HERC1: variants seen among roughly 807,000 people sequenced by gnomAD.
HERC1 encodes the protein HECT and RLD domain containing E3 ubiquitin protein ligase family member 1, also known as probable E3 ubiquitin-protein ligase HERC1.
In HERC1, 160 loss-of-function variants were observed where a neutral mutation model predicts 554.3. That is an observed-to-expected ratio of 0.29 (90% CI 0.25 to 0.33). The LOEUF (loss-of-function observed/expected upper bound fraction) is 0.33, where lower values mean the gene tolerates loss of function less well. Ranked by LOEUF, HERC1 falls within the 10% of genes least tolerant of loss-of-function variation. The pLI is 1.00. For synonymous variants in HERC1, 2,175 were observed against 2,131.7 expected, an observed-to-expected ratio of 1.02 and a Z score of -0.56; for missense variants, 4,919 against 5,918.5, an observed-to-expected ratio of 0.83 and a Z score of 5.54.
intron 70 of HERC1, among the ~76,000 whole-genome samples, chr15:63,626,444 C>T (rs1425512178): frequency 6.6e-6 from 1 of 152,144 alleles, no homozygotes; most frequent in African/African-American, 2.4e-5. Context: ...AACAATAGAA[C>T]TTAGGCAGTT....
chr15:63,652,620 T>C (rs754343884), intron 51 of HERC1, 79 bp from the exon 52 acceptor site: 25 of 1,180,852 alleles, frequency 2.1e-5, no homozygotes, highest in Non-Finnish European at 2.4e-5. Context: ...ATCCAATTTT[T>C]AAAAATCTAC....
intron 25 of HERC1, among the ~76,000 whole-genome samples, chr15:63,700,135 AG>A (rs2072637786): frequency 6.6e-6 from 1 of 152,116 alleles, no homozygotes; most frequent in Non-Finnish European, 1.5e-5. Flanking sequence ...TGTATTCCTA[AG>A]ATGAATAATG....
intron 44 of HERC1, among the ~76,000 whole-genome samples, chr15:63,662,257 T>A (rs1289105664): frequency 1.3e-5 from 2 of 152,110 alleles, no homozygotes; most frequent in Non-Finnish European, 2.9e-5. Flanking sequence ...TAACTGAGTA[T>A]CCTACTGAGA....
rs2069881796 is a variant in HERC1, at chr15:63,654,315, T to C, written c.10094A>G (p.Glu3365Gly). The change falls in exon 51 of 78, where the codon GAG becomes GGG. Residue 3365 changes from glutamate (E) to glycine (G), a missense_variant. By Grantham distance (98) the Glu-to-Gly change is moderately conservative. Around this residue, in one of 11 missense-constraint regions of HERC1, gnomAD observed 1,963 missense variants for 2,228.6 expected, o/e 0.88. Coordinates refer to ENST00000443617, the MANE Select transcript of HERC1 (RefSeq NM_003922.4). ...KSEVEKKGPLELANALAACCL... is the reference protein window; with the variant it reads ...KSEVEKKGPLGLANALAACCL... ...GCAGGCTGCCAGGGCATTAGCCAAC[T>C]CCAGAGGGCCTACAGCAGAAGGATC... 2.5e-6 allele frequency: 4 copies of C among 1,612,542 alleles called. No homozygotes were observed. The Admixed American group carries it at 6.7e-5, about 27-fold the overall frequency.
chr15:63,700,227 T>C (rs1186062009), intron 25 of HERC1, among the ~76,000 whole-genome samples: 2 of 152,170 alleles, frequency 1.3e-5, no homozygotes, highest in African/African-American at 4.8e-5. Context: ...CAATATAATA[T>C]TGCTAATATT....
Position 63,684,770 on chromosome 15 carries a change from A to T in HERC1, c.6225+1589T>A, listed in dbSNP as rs1024678279. ...CACCTGTAATCCCAGCACTTTGGGA[A>T]GCCAAGGTGGGTGGATCACCTGAGG... is the stretch of plus-strand genomic sequence containing the variant. On this transcript the variant is annotated intron_variant, in intron 34 of 77. Coordinates refer to ENST00000443617, the MANE Select transcript of HERC1 (RefSeq NM_003922.4). 2.0e-5 allele frequency among the ~76,000 whole-genome samples: 3 copies of T among 152,186 alleles called. No homozygotes were observed. The East Asian group carries it at 5.8e-4, about 29-fold the overall frequency.
intron 42 of HERC1, among the ~76,000 whole-genome samples, chr15:63,665,393 C>T (rs529789259): frequency 1.3e-5 from 2 of 152,212 alleles, no homozygotes; most frequent in East Asian, 3.9e-4. Context: ...ATGAGCCGGG[C>T]ATGGTGGCAC....
chr15:63,783,542 C>T (rs1049800158), intron 1 of HERC1, among the ~76,000 whole-genome samples: 6 of 152,174 alleles, frequency 3.9e-5, no homozygotes, highest in African/African-American at 1.4e-4. Flanking sequence ...AACTGTGTGA[C>T]TTGCTTTACT....
At chr15:63,696,057 T>G in intron 27 of HERC1, 67 bp downstream of exon 27, 2 of 1,186,614 alleles carry the variant, frequency 1.7e-6, no homozygotes, top group Non-Finnish European at 2.4e-6. Context: ...CCAAAAAGTT[T>G]CACATTATTA....
chr15:63,716,152 C>G, intron 22 of HERC1, 150 bp downstream of exon 22: 1 of 673,408 alleles, frequency 1.5e-6, no homozygotes, highest in Non-Finnish European at 2.5e-6. Context: ...GTAGGAGCCC[C>G]TGTCAGCTAA....
At chr15:63,735,597 G>A (rs2141126005) in intron 12 of HERC1, among the ~76,000 whole-genome samples, 1 of 151,950 alleles carries the variant, frequency 6.6e-6, no homozygotes, top group Non-Finnish European at 1.5e-5. Flanking sequence ...AAAGGTCCAG[G>A]TAGTGGGAAC....
chr15:63,625,637 T>C (rs886441774), intron 71 of HERC1, among the ~76,000 whole-genome samples: 3 of 144,640 alleles, frequency 2.1e-5, no homozygotes, highest in Non-Finnish European at 3.0e-5. Context: ...GAGGTTGCAG[T>C]GAGCTGAGAT....
chr15:63,672,457 G>A, intron 39 of HERC1, 39 bp downstream of exon 39: 1 of 1,429,282 alleles, frequency 7.0e-7, no homozygotes, highest in Middle Eastern at 2.2e-4. Context: ...CAGAAACACA[G>A]GCATCAGTAT....
At chr15:63,733,586 C>T (rs1291658910) in intron 13 of HERC1, among the ~76,000 whole-genome samples, 2 of 152,216 alleles carry the variant, frequency 1.3e-5, no homozygotes, top group African/African-American at 4.8e-5. Flanking sequence ...GGCGCAGTGG[C>T]TCACACCTGT....
At chr15:63,668,168 G>A (rs2070734613) in intron 40 of HERC1, among the ~76,000 whole-genome samples, 1 of 151,858 alleles carries the variant, frequency 6.6e-6, no homozygotes, top group Non-Finnish European at 1.5e-5. Flanking sequence ...GAAAGAAGGT[G>A]GATTTAAAAC....
At position 63,755,321 on chromosome 15, in the gene HERC1, A is replaced by G. The variant is rs376686768; in HGVS notation, c.1538T>C (p.Val513Ala). The G allele has an allele frequency of 6.2e-7, 1 of 1,611,880 alleles. No individual in the cohort carries two copies. The highest frequency in any genetic ancestry group is 8.5e-7 in the Non-Finnish European group (1 of 1,178,126). Reference sequence around the variant, plus strand: ...TCTGTATCCAGCTGACACACAAACAACTACCTGCATTGCACACAAGTAAAT... The same window carrying G: ...TCTGTATCCAGCTGACACACAAACAGCTACCTGCATTGCACACAAGTAAAT... Reference protein sequence around the residue: ...LIQGPLQGKVVVCVSAGYRHS... With the variant: ...LIQGPLQGKVAVCVSAGYRHS... Residue 513 changes from valine to alanine, a missense_variant, in exon 6 of 78, where the codon GTT (valine) becomes GCT (alanine). Physicochemically the swap from Val to Ala is moderately conservative, Grantham distance 64. Transcript: ENST00000443617.
intron 3 of HERC1, among the ~76,000 whole-genome samples, chr15:63,761,430 T>C (rs1483932212): frequency 6.6e-6 from 1 of 151,582 alleles, no homozygotes; most frequent in African/African-American, 2.4e-5. Context: ...AAAATAAAAA[T>C]AAAAAAATTA....
intron 51 of HERC1, among the ~76,000 whole-genome samples, chr15:63,653,059 A>G (rs566575519): frequency 9.8e-5 from 15 of 152,330 alleles, no homozygotes; most frequent in Non-Finnish European, 1.9e-4. Context: ...ACCTATTATA[A>G]TCTTTACTAA....
At chr15:63,789,078 GTTTTTTTTTTTTTT>G (rs71131178) in intron 1 of HERC1, among the ~76,000 whole-genome samples, 1 of 83,604 alleles carries the variant, frequency 1.2e-5, no homozygotes, top group African/African-American at 5.0e-5. Flanking sequence ...GGAATAAAAG[GTTTTTTTTTTTTTT>G]TTTTTTTTTT....
Sources: gnomAD v4.1 joint callset for allele counts (sites outside exome capture counted in the v4.1 genomes callset) on GRCh38, gnomAD v4.1.1 for gene constraint, gnomAD v4.1.1 regional missense constraint, MANE v1.5 for transcripts, NCBI Gene and HGNC (gene_info 2026-07-23, HGNC 2026-07-21) for gene names.